Variants in FBXO21 observed in about 807,000 individuals in gnomAD.
FBXO21 encodes F-box only protein 21.
Under a neutral mutation model 76.6 loss-of-function variants are expected in FBXO21, and 32 were observed. The observed-to-expected ratio is 0.42, with a 90% CI of 0.32 to 0.56. The LOEUF (loss-of-function observed/expected upper bound fraction) is 0.56. FBXO21 is among the 20% of genes least tolerant of loss of function. The pLI is 0.16. For synonymous variants in FBXO21, 328 were observed against 311.5 expected (o/e 1.05, Z -0.56); for missense variants, 586 against 797.3 (o/e 0.73, Z 3.19).
intron 3 of FBXO21, among the ~76,000 whole-genome samples, chr12:117,185,691 GT>G (rs1956274663): frequency 6.6e-6 from 1 of 152,198 alleles, no homozygotes; most frequent in African/African-American, 2.4e-5. Flanking sequence ...AAGATCTACA[GT>G]GTTCAAAGAA....
chr12:117,181,599 G>GTCTATCTATCTA (rs1555242788), intron 3 of FBXO21, among the ~76,000 whole-genome samples: 117 of 145,662 alleles, frequency 8.0e-4, no homozygotes, highest in Admixed American at 1.3e-3. Flanking sequence ...ATCTGAGACA[G>GTCTATCTATCTA]TCTATCTATC....
intron 11 of FBXO21, among the ~76,000 whole-genome samples, chr12:117,152,209 G>C (rs750179814): frequency 3.3e-5 from 5 of 152,202 alleles, no homozygotes; most frequent in Non-Finnish European, 7.3e-5. Context: ...GCTCACACCT[G>C]TGATCTCAAC....
At chr12:117,151,171 T>G (rs921857152) in intron 11 of FBXO21, among the ~76,000 whole-genome samples, 5 of 152,100 alleles carry the variant, frequency 3.3e-5, no homozygotes, top group Admixed American at 3.3e-4. Flanking sequence ...GTAGTTGAAT[T>G]CCTGGCCTTT....
intron 9 of FBXO21, among the ~76,000 whole-genome samples, chr12:117,161,728 C>T (rs553741652): frequency 6.6e-6 from 1 of 152,244 alleles, no homozygotes; most frequent in East Asian, 1.9e-4. Flanking sequence ...CCACAGCAGA[C>T]AGGCAGAAAC....
At chr12:117,169,636 A>G (rs975015238) in intron 7 of FBXO21, among the ~76,000 whole-genome samples, 4 of 152,104 alleles carry the variant, frequency 2.6e-5, no homozygotes, top group Non-Finnish European at 5.9e-5. Context: ...AGCTTTCATA[A>G]TCCCTAACTG....
intron 11 of FBXO21, among the ~76,000 whole-genome samples, chr12:117,148,373 G>A (rs568967716): frequency 1.1e-4 from 17 of 152,326 alleles, no homozygotes; most frequent in South Asian, 4.1e-4. Flanking sequence ...CAGTGTAAAC[G>A]TCCAAGTGTA....
chr12:117,150,871 C>CTGTGTGTGTGTGTGTGTG (rs372253197), intron 11 of FBXO21, among the ~76,000 whole-genome samples: 7,563 of 127,552 alleles, frequency 0.059, 389 homozygotes, highest in Middle Eastern at 0.099. Context: ...TGGCCATGGA[C>CTGTGTGTGTGTGTGTGTG]TGTGTGTGTG....
chr12:117,183,836 T>C (rs1421188794), intron 3 of FBXO21, among the ~76,000 whole-genome samples: 1 of 152,210 alleles, frequency 6.6e-6, no homozygotes, highest in Non-Finnish European at 1.5e-5. Flanking sequence ...ATTTCAGTTG[T>C]TTCATCCTTT....
chr12:117,189,733 C>T lies in FBXO21; in HGVS notation c.240-371G>A, dbSNP rs547810318. ...GGTGAAAGGTAGGTCTAATGATCAC[C>T]ACCACTCAAAGTCTATGAACGAGGC... On this transcript the variant is annotated intron_variant, in intron 1 of 11. Transcript: ENST00000622495. Among the ~76,000 whole-genome samples the T allele has an allele frequency of 1.6e-3, 251 of 152,196 alleles. 2 individuals carry two copies. Among genetic ancestry groups the T allele is most frequent in the African/African-American group, 5.8e-3 (242 of 41,506 alleles).
chr12:117,187,629 A>C (rs1956297013), intron 2 of FBXO21, among the ~76,000 whole-genome samples: 1 of 152,166 alleles, frequency 6.6e-6, no homozygotes, highest in African/African-American at 2.4e-5. Flanking sequence ...TCCTTGACAT[A>C]CTTCTAATTA....
chr12:117,142,579 A>G lies in FBXO21; in HGVS notation c.*3508T>C, dbSNP rs191815400. 7.2e-5 allele frequency: 11 copies of G among 152,008 alleles called. No homozygotes were observed. The highest frequency in any genetic ancestry group is 7.2e-4 in the Admixed American group (11 of 15,258). The allele number at this position is 152,008 out of a possible 1,614,324, so 9.4% of individuals were successfully genotyped here. On this transcript the variant is annotated 3_prime_UTR_variant, in exon 12 of 12. Coordinates refer to ENST00000622495, the MANE Select transcript of FBXO21 (RefSeq NM_015002.3). ...GCTCAAAGTTAGCATGCCACACAAAATAATACGTACAGTACAGCTATTCAC... is the reference window on the plus strand; with the variant it reads ...GCTCAAAGTTAGCATGCCACACAAAGTAATACGTACAGTACAGCTATTCAC...
At chr12:117,183,423 C>T (rs991835572) in intron 3 of FBXO21, among the ~76,000 whole-genome samples, 1 of 152,106 alleles carries the variant, frequency 6.6e-6, no homozygotes, top group Non-Finnish European at 1.5e-5. Context: ...CCATGTCTGG[C>T]TAATTTTTGT....
chr12:117,149,230 G>A (rs1419240924), intron 11 of FBXO21, among the ~76,000 whole-genome samples: 1 of 152,086 alleles, frequency 6.6e-6, no homozygotes, highest in Non-Finnish European at 1.5e-5. Context: ...AAACTCCTGG[G>A]CTCAAATGAT....
At chr12:117,164,219 CAT>C (rs199497621) in intron 9 of FBXO21, among the ~76,000 whole-genome samples, 1 of 151,358 alleles carries the variant, frequency 6.6e-6, no homozygotes, top group East Asian at 1.9e-4. Flanking sequence ...CCACATTACA[CAT>C]ATATTCTGGG....
At chr12:117,171,862 T>A (rs1283768168) in intron 7 of FBXO21, among the ~76,000 whole-genome samples, 1 of 152,198 alleles carries the variant, frequency 6.6e-6, no homozygotes, top group Admixed American at 6.5e-5. Flanking sequence ...AGACTATAAC[T>A]GAAAATGAGC....
At chr12:117,181,023 G>A (rs1415401311) in intron 3 of FBXO21, among the ~76,000 whole-genome samples, 2 of 152,142 alleles carry the variant, frequency 1.3e-5, no homozygotes, top group East Asian at 1.9e-4. Context: ...TCTTACAGAC[G>A]TTACACATGA....
chr12:117,161,231 A>G (rs1955972929), intron 9 of FBXO21, among the ~76,000 whole-genome samples: 1 of 152,026 alleles, frequency 6.6e-6, no homozygotes, highest in Admixed American at 6.5e-5. Context: ...GAGCCAGCAA[A>G]TGGAGTTGAG....
Position 117,146,014 on chromosome 12 carries a change from G to T in FBXO21, c.*73C>A. ...CAGCAGGTCCCGAGGGCTCCGTGGA[G>T]ACGTCTTCTTCCGGAGTCCCGTTCT... is the stretch of plus-strand genomic sequence containing the variant. On this transcript the variant is annotated 3_prime_UTR_variant, in exon 12 of 12. Coordinates refer to ENST00000622495, the MANE Select transcript of FBXO21 (RefSeq NM_015002.3). 1 of 1,314,900 alleles carries T rather than the reference G, an allele frequency of 7.6e-7. No individual in the cohort carries two copies. The highest frequency in any genetic ancestry group is 1.0e-6 in the Non-Finnish European group (1 of 960,136). The allele number at this position is 1,314,900 out of a possible 1,614,324, so 81.5% of individuals were successfully genotyped here.
At chr12:117,189,169 A>T (rs537228652) in intron 2 of FBXO21, 58 bp downstream of exon 2, 3 of 1,604,750 alleles carry the variant, frequency 1.9e-6, no homozygotes, top group Admixed American at 3.3e-5. Context: ...TCATGCCTGC[A>T]GACCCAGACA....
Sources: allele counts gnomAD v4.1 joint callset (sites outside exome capture counted in the v4.1 genomes callset), GRCh38; gene constraint gnomAD v4.1.1; transcripts MANE v1.5; gene names NCBI Gene and HGNC (gene_info 2026-07-23, HGNC 2026-07-21).